BACH2: variants seen among roughly 807,000 people sequenced by gnomAD.
The protein encoded by BACH2 is transcription regulator protein BACH2.
Under a neutral mutation model 61.8 loss-of-function variants are expected in BACH2, and 5 were observed. The observed-to-expected ratio is 0.08, with a 90% CI of 0.04 to 0.17. BACH2 has a LOEUF of 0.17. Among genes scored for constraint, BACH2 ranks in the 10% least tolerant of loss-of-function variants. The pLI, the probability that BACH2 is intolerant of heterozygous loss-of-function variation, is 1.00. For synonymous variants in BACH2, 446 were observed against 440.1 expected (o/e 1.01, Z -0.17); for missense variants, 824 against 1,091.1 (o/e 0.76, Z 3.45).
rs75342205 is a variant in BACH2, at chr6:90,079,552, C to T, written c.-13+9409G>A. Among the ~76,000 whole-genome samples, 271 of 152,250 alleles carry T rather than the reference C, an allele frequency of 1.8e-3. 5 individuals carry two copies. The East Asian group carries it at 0.034, about 19-fold the overall frequency. The stretch of plus-strand genomic sequence containing the variant: ...GAAGAGAAAAGTGCTGATAAACTAT[C>T]ATGTGTAGACACACAACGCAAAAAC... On this transcript the variant is annotated intron_variant, in intron 5 of 8. Transcript: ENST00000257749.
intron 5 of BACH2, among the ~76,000 whole-genome samples, chr6:90,034,520 T>C (rs1433899020): frequency 1.3e-5 from 2 of 151,970 alleles, no homozygotes; most frequent in African/African-American, 4.8e-5. Context: ...AGCACAAAAA[T>C]AGGAATAATG....
chr6:90,189,614 CAAAAAA>C (rs59022545), intron 4 of BACH2, among the ~76,000 whole-genome samples: 9 of 47,774 alleles, frequency 1.9e-4, no homozygotes, highest in African/African-American at 2.2e-4. Flanking sequence ...GACTCCGTCT[CAAAAAA>C]AAAAAAAAAA....
Position 89,951,404 on chromosome 6 carries a change from G to A in BACH2, c.702C>T (p.Tyr234=), listed in dbSNP as rs748269096. ...ALTQYPRYKK[Y]QLACTKNVYN... is the part of the protein sequence containing the mutation. ...AGACATTCTTGGTACATGCAAGCTG[G>A]TATTTCTTGTATCTGGGGTACTGCG... is the stretch of plus-strand genomic sequence containing the variant. The change falls in exon 7 of 9, where the codon TAC becomes TAT. Residue 234 remains tyrosine, a synonymous_variant. Coordinates refer to ENST00000257749, the MANE Select transcript of BACH2 (RefSeq NM_021813.4). This position sits in a 1 kb window ranked among gnomAD's most constrained non-coding sequence, Gnocchi z 6.4. 1.9e-6 allele frequency: 3 copies of A among 1,614,230 alleles called. No individual in the cohort carries two copies. The highest frequency in any genetic ancestry group is 2.5e-6 in the Non-Finnish European group (3 of 1,180,046).
intron 4 of BACH2, among the ~76,000 whole-genome samples, chr6:90,089,392 C>A (rs1782065546): frequency 6.6e-6 from 1 of 151,890 alleles, no homozygotes; most frequent in Admixed American, 6.6e-5. Context: ...CCAAATGCAG[C>A]CTAGGAGATA....
chr6:90,123,945 C>T (rs1783744416), intron 4 of BACH2, among the ~76,000 whole-genome samples: 1 of 152,064 alleles, frequency 6.6e-6, no homozygotes, highest in Admixed American at 6.5e-5. Flanking sequence ...GGCCTGGGCC[C>T]CAAAGCTGAT....
chr6:90,174,926 A>G (rs989924157), intron 4 of BACH2, among the ~76,000 whole-genome samples: 2 of 151,650 alleles, frequency 1.3e-5, no homozygotes, highest in Admixed American at 1.3e-4. Context: ...AAAAAAAAAA[A>G]GCAAACAAAC....
At chr6:90,156,571 G>C (rs1183064706) in intron 4 of BACH2, among the ~76,000 whole-genome samples, 1 of 152,152 alleles carries the variant, frequency 6.6e-6, no homozygotes, top group East Asian at 1.9e-4. Flanking sequence ...AATATGCTGG[G>C]AAATAAAGAA....
intron 8 of BACH2, among the ~76,000 whole-genome samples, chr6:89,933,325 T>C (rs1041401254): frequency 3.9e-5 from 6 of 152,180 alleles, no homozygotes; most frequent in Non-Finnish European, 7.4e-5. Flanking sequence ...CCGTATGACA[T>C]TTCGAAAAAA....
At chr6:89,988,538 A>G (rs1776366000) in intron 6 of BACH2, among the ~76,000 whole-genome samples, 1 of 152,220 alleles carries the variant, frequency 6.6e-6, no homozygotes, top group Non-Finnish European at 1.5e-5. Flanking sequence ...CTCCTTAGAC[A>G]GGTTTTAGGA....
intron 4 of BACH2, among the ~76,000 whole-genome samples, chr6:90,133,391 A>G (rs542154165): frequency 6.6e-6 from 1 of 152,342 alleles, no homozygotes; most frequent in Non-Finnish European, 1.5e-5. Context: ...CACATCTTCA[A>G]TGCTGCCAAA....
intron 3 of BACH2, among the ~76,000 whole-genome samples, chr6:90,211,633 C>A (rs1228294709): frequency 7.9e-6 from 1 of 127,052 alleles, no homozygotes; most frequent in Non-Finnish European, 1.7e-5. Context: ...TGTGTGTGTG[C>A]TCTCCTGACC....
At chr6:90,234,454 G>A (rs955257165) in intron 3 of BACH2, among the ~76,000 whole-genome samples, 3 of 152,184 alleles carry the variant, frequency 2.0e-5, no homozygotes, top group African/African-American at 7.2e-5. Flanking sequence ...GAAGGTCAAT[G>A]TTTTGTATAA....
chr6:89,997,914 T>A (rs72923958), intron 6 of BACH2, among the ~76,000 whole-genome samples: 1 of 152,162 alleles, frequency 6.6e-6, no homozygotes. Context: ...GTAACACTTT[T>A]GGGAAGAATA....
intron 4 of BACH2, among the ~76,000 whole-genome samples, chr6:90,167,657 C>G (rs1271568362): frequency 6.6e-6 from 1 of 152,230 alleles, no homozygotes; most frequent in Admixed American, 6.5e-5. Context: ...CTGCGCCTGG[C>G]CTGCTATCAG....
chr6:90,244,127 G>A (rs1156864582), intron 3 of BACH2, among the ~76,000 whole-genome samples: 2 of 152,056 alleles, frequency 1.3e-5, no homozygotes, highest in East Asian at 1.9e-4. Context: ...TCACCATGTT[G>A]GCCAGGCTGA....
At chr6:90,241,017 T>C (rs2256672) in intron 3 of BACH2, among the ~76,000 whole-genome samples, 105,496 of 151,134 alleles carry the variant, frequency 0.7, 38,198 homozygotes, top group African/African-American at 0.9. Flanking sequence ...GCCTGTAGTC[T>C]CCAGCTACTT....
chr6:90,013,221 T>A (rs1418405420), intron 5 of BACH2, among the ~76,000 whole-genome samples: 1 of 152,202 alleles, frequency 6.6e-6, no homozygotes, highest in Non-Finnish European at 1.5e-5. Context: ...TGAATAAAGA[T>A]CTCTTACTTT....
chr6:90,069,560 C>T (rs1350822736), intron 5 of BACH2, among the ~76,000 whole-genome samples: 1 of 151,974 alleles, frequency 6.6e-6, no homozygotes, highest in East Asian at 1.9e-4. Flanking sequence ...ACTACAAGCC[C>T]AAGGGATGCA....
Position 90,257,299 on chromosome 6 carries a change from T to C in BACH2, c.-352-4709A>G, listed in dbSNP as rs555248671. Reference sequence around the variant, plus strand: ...TCTGTTTTTAATTTCTTTAGAAACCTCTATAACGTTTTCCATAACGGCTAT... The same window carrying C: ...TCTGTTTTTAATTTCTTTAGAAACCCCTATAACGTTTTCCATAACGGCTAT... On this transcript the variant is annotated intron_variant, in intron 2 of 8. Transcript: ENST00000257749. 3.3e-5 allele frequency among the ~76,000 whole-genome samples: 5 copies of C among 152,322 alleles called. No homozygotes were observed. In the South Asian group the frequency reaches 8.3e-4, roughly 25 times the overall value.
Sources: gnomAD v4.1 joint callset for allele counts (sites outside exome capture counted in the v4.1 genomes callset) on GRCh38, gnomAD v4.1.1 for gene constraint, Gnocchi (gnomAD v3.1) non-coding constraint, MANE v1.5 for transcripts, NCBI Gene and HGNC (gene_info 2026-07-23, HGNC 2026-07-21) for gene names.